Variants in MDC1 observed in about 807,000 individuals in gnomAD.
MDC1 encodes mediator of DNA damage checkpoint protein 1.
In MDC1, 81 loss-of-function variants were observed where a neutral mutation model predicts 142.5. The ratio of observed to expected loss-of-function variants is 0.57; its 90% CI spans 0.47 to 0.68. The LOEUF is 0.68. Ranked by LOEUF, MDC1 falls within the 30% of genes least tolerant of loss-of-function variation. The pLI is 0.00. For missense variants in MDC1, 2,119 were observed against 2,547.9 expected (o/e 0.83, Z 3.62); for synonymous variants, 797 against 968.4 (o/e 0.82, Z 3.29).
At chr6:30,707,484 G>C (rs1774075024) in intron 8 of MDC1, 30 bp from the exon 9 acceptor site, 1 of 1,613,062 alleles carries the variant, frequency 6.2e-7, no homozygotes, top group African/African-American at 1.3e-5. Context: ...AAAGGTGGCT[G>C]AGTTCCAAGC....
rs1275540776 is a variant in MDC1 at position 30,704,128 on chromosome 6, C to T, written c.5055G>A (p.Arg1685=). Residue 1685 remains arginine, a synonymous_variant, in exon 10 of 15, where the codon AGG becomes AGA. Coordinates refer to ENST00000376406, the MANE Select transcript of MDC1 (RefSeq NM_014641.3). ...CCGGCATAGCTCTTACTGTGGAAGACCTCAGTGTTTTGCTCTGACCACCCT... is the reference window on the plus strand; with the variant it reads ...CCGGCATAGCTCTTACTGTGGAAGATCTCAGTGTTTTGCTCTGACCACCCT... ...IAQGGQSKTL[R]SSTVRAMPVP... is the part of the protein sequence containing the mutation. 6.2e-7 allele frequency: 1 copy of T among 1,613,842 alleles called. No individual in the cohort carries two copies. Among genetic ancestry groups the T allele is most frequent in the Non-Finnish European group, 8.5e-7 (1 of 1,179,908 alleles).
rs1773115921 is a variant in MDC1 at position 30,703,390 on chromosome 6, C to A, written c.5682+28G>T. ...GCATCCTCCCCTCATCTCTGTCTCCCACAAAGTCCCATGCCTTTGTCTCTT... is the reference window on the plus strand; with the variant it reads ...GCATCCTCCCCTCATCTCTGTCTCCAACAAAGTCCCATGCCTTTGTCTCTT... On this transcript the variant is annotated intron_variant, in intron 11 of 14. Transcript: ENST00000376406. This position sits in a 1 kb window ranked among gnomAD's most constrained non-coding sequence, Gnocchi z 4.4. 1 of 1,613,546 alleles carries A rather than the reference C, an allele frequency of 6.2e-7. No individual in the cohort carries two copies. The highest frequency in any genetic ancestry group is 1.3e-5 in the African/African-American group (1 of 75,052).
At chr6:30,708,498 G>T in intron 7 of MDC1, 141 bp from the exon 8 acceptor site, 1 of 682,768 alleles carries the variant, frequency 1.5e-6, no homozygotes, top group Non-Finnish European at 2.4e-6. Flanking sequence ...ATCTGAACAG[G>T]TTATTAAAGG....
At chr6:30,710,131 C>T (rs1471901864) in intron 7 of MDC1, among the ~76,000 whole-genome samples, 2 of 151,906 alleles carry the variant, frequency 1.3e-5, no homozygotes, top group Admixed American at 6.6e-5. Flanking sequence ...CTCTGTTGCC[C>T]ATGTTGGAGT....
chr6:30,713,767 T>C lies in MDC1; in HGVS notation c.517+36A>G. On this transcript the variant is annotated intron_variant, in intron 3 of 14. Coordinates refer to ENST00000376406, the MANE Select transcript of MDC1 (RefSeq NM_014641.3). This position sits in a 1 kb window ranked among gnomAD's most constrained non-coding sequence, Gnocchi z 4.9. The stretch of plus-strand genomic sequence containing the variant: ...TTGACAATTGTACACTCATTATTCC[T>C]GTCTCCTCATTCTCCCTGCCAATAT... 1 of 1,613,688 alleles carries C rather than the reference T, an allele frequency of 6.2e-7. No homozygotes were observed. The highest frequency in any genetic ancestry group is 8.5e-7 in the Non-Finnish European group (1 of 1,179,648).
chr6:30,702,639 C>T lies in MDC1; in HGVS notation c.6016G>A (p.Gly2006Arg). 5 of 1,611,202 alleles carry T rather than the reference C, an allele frequency of 3.1e-6. No individual in the cohort carries two copies. Among genetic ancestry groups the T allele is most frequent in the Non-Finnish European group, 4.2e-6 (5 of 1,179,168 alleles). ...ATCTGAGGTGGTGGTGGCTGGACTC[C>T]AGGGGTCACATAGATCTCATAGCCC... ...LEGYEIYVTPGVQPPPPQMGE... is the reference protein window; with the variant it reads ...LEGYEIYVTPRVQPPPPQMGE... Residue 2006 changes from glycine (G) to arginine (R), a missense_variant, in exon 14 of 15, where the codon GGA becomes AGA. Coordinates refer to ENST00000376406, the MANE Select transcript of MDC1 (RefSeq NM_014641.3).
At position 30,713,737 on chromosome 6, in the gene MDC1, A is replaced by C. The variant is rs756483479; in HGVS notation, c.518-20T>G. The stretch of plus-strand genomic sequence containing the variant: ...GAAAATCTGTCAAGAACAGAAAGGA[A>C]TGAGTTGACAATTGTACACTCATTA... On this transcript the variant is annotated intron_variant, in intron 3 of 14. Coordinates refer to ENST00000376406, the MANE Select transcript of MDC1 (RefSeq NM_014641.3). The surrounding 1 kb of genome is among the most constrained non-coding windows in gnomAD (Gnocchi z 4.9). The C allele has an allele frequency of 2.8e-5, 45 of 1,613,940 alleles. No individual in the cohort carries two copies. In the Admixed American group the frequency reaches 7.0e-4, roughly 25 times the overall value.
At chr6:30,710,881 A>G (rs926996559) in intron 7 of MDC1, among the ~76,000 whole-genome samples, 3 of 152,026 alleles carry the variant, frequency 2.0e-5, no homozygotes, top group African/African-American at 7.2e-5. Flanking sequence ...CTGGCCTCCC[A>G]TGTAACTGGG....
chr6:30,700,555 G>C lies in MDC1; in HGVS notation c.6180C>G (p.Leu2060=), dbSNP rs760713119. Residue 2060 remains leucine, a synonymous_variant, in exon 15 of 15, where the codon CTC becomes CTG. Coordinates refer to ENST00000376406, the MANE Select transcript of MDC1 (RefSeq NM_014641.3). ...SIPLRVGLPL[L]SPEFLLTGVL... ...CTCCAGTCAGCAGGAACTCAGGCGA[G>C]AGGAGGGGCAGCCCAACCCGTAGTG... The C allele has an allele frequency of 1.2e-6, 2 of 1,612,902 alleles. No individual in the cohort carries two copies. The highest frequency in any genetic ancestry group is 1.3e-5 in the African/African-American group (1 of 74,920).
intron 2 of MDC1, 124 bp from the exon 3 acceptor site, chr6:30,714,307 C>T: frequency 9.7e-7 from 1 of 1,030,570 alleles, no homozygotes; most frequent in Non-Finnish European, 1.4e-6. Flanking sequence ...AATAAAAGGC[C>T]CTAGGACATC....
In MDC1 at chr6:30,712,140, G is replaced by A. The variant is rs774544617; in HGVS notation, c.1802C>T (p.Pro601Leu). The A allele has an allele frequency of 6.2e-7, 1 of 1,611,954 alleles. No homozygotes were observed. Among genetic ancestry groups the A allele is most frequent in the Non-Finnish European group, 8.5e-7 (1 of 1,179,502 alleles). ...CTCTGCCCCAGCATCCCCTTCTGCT[G>A]GAAGCTGGCTCTTTCTTACATCTGC... ...VVADVRKSQL[P>L]AEGDAGAEWA... The change falls in exon 5 of 15, where the codon CCA (proline) becomes CTA (leucine). Residue 601 changes from proline to leucine, a missense_variant. Transcript: ENST00000376406. This position sits in a 1 kb window ranked among gnomAD's most constrained non-coding sequence, Gnocchi z 4.7.
rs1487438149 is a variant in MDC1 at position 30,713,200 on chromosome 6, A to C, written c.742T>G (p.Ser248Ala). The change falls in exon 5 of 15, where the codon TCT becomes GCT. Residue 248 changes from serine to alanine, a missense_variant. Transcript: ENST00000376406. This position sits in a 1 kb window ranked among gnomAD's most constrained non-coding sequence, Gnocchi z 4.9. Reference protein sequence around the residue: ...RRGATVEAKQSEAEVVTEIQL... With the variant: ...RRGATVEAKQAEAEVVTEIQL... Reference sequence around the variant, plus strand: ...ATTTCAGTTACAACTTCAGCTTCAGACTGCTTTGCCTCTACAGTGGCACCT... The same window carrying C: ...ATTTCAGTTACAACTTCAGCTTCAGCCTGCTTTGCCTCTACAGTGGCACCT... 1 of 1,613,006 alleles carries C rather than the reference A, an allele frequency of 6.2e-7. No homozygotes were observed. The highest frequency in any genetic ancestry group is 8.5e-7 in the Non-Finnish European group (1 of 1,179,984).
At position 30,713,588 on chromosome 6, in the gene MDC1, C is replaced by A; in HGVS notation, c.587+60G>T. 6.6e-7 allele frequency: 1 copy of A among 1,526,530 alleles called. No homozygotes were observed. The highest frequency in any genetic ancestry group is 2.3e-5 in the East Asian group (1 of 44,294). 94.6% of individuals were successfully genotyped at this position (1,526,530 alleles called of 1,614,324 possible). ...TAATCATCTCTTTTAGAGATTGATC[C>A]TCCAGCCCCTGGTTCTTCCTCATTT... On this transcript the variant is annotated intron_variant, in intron 4 of 14. Coordinates refer to ENST00000376406, the MANE Select transcript of MDC1 (RefSeq NM_014641.3). This position sits in a 1 kb window ranked among gnomAD's most constrained non-coding sequence, Gnocchi z 4.9.
rs760178311 is a variant in MDC1, at chr6:30,703,305, G to C, written c.5683-19C>G. The stretch of plus-strand genomic sequence containing the variant: ...AGAGCACCTGTGGAAGGGTTGACCT[G>C]AGGTGGTTACGGCAACCCATGCCAT... On this transcript the variant is annotated intron_variant, in intron 11 of 14. Transcript: ENST00000376406. The surrounding 1 kb of genome is among the most constrained non-coding windows in gnomAD (Gnocchi z 4.4). The C allele has an allele frequency of 1.3e-5, 21 of 1,609,056 alleles. No homozygotes were observed. The highest frequency in any genetic ancestry group is 1.5e-5 in the Non-Finnish European group (18 of 1,176,920).
At position 30,712,947 on chromosome 6, in the gene MDC1, T is replaced by C. The variant is rs550307715; in HGVS notation, c.995A>G (p.Asp332Gly). 212 of 1,613,116 alleles carry C rather than the reference T, an allele frequency of 1.3e-4. 5 individuals are homozygous for C. The South Asian group carries it at 2.1e-3, about 16-fold the overall frequency. ...TGCTGGGATCCTCTCTTCTTCCGCA[T>C]CAGTGTCGCTGTCGATGAAGCCAAA... ...QPFGFIDSDT[D>G]AEEERIPATP... Residue 332 changes from aspartate (D) to glycine (G), a missense_variant, in exon 5 of 15, where the codon GAT (aspartate) becomes GGT (glycine). By Grantham distance (94) the Asp-to-Gly change is moderately conservative (BLOSUM62 -1). Coordinates refer to ENST00000376406, the MANE Select transcript of MDC1 (RefSeq NM_014641.3). The surrounding 1 kb of genome is among the most constrained non-coding windows in gnomAD (Gnocchi z 4.7).
rs1037417506 is a variant in MDC1 at position 30,715,414 on chromosome 6, G to A, written c.-3-236C>T. ...TGCAGTGGTAAGATCTTGGGCCCAC[G>A]GCAACCTCTGCCTCCCGGGTTTCAA... On this transcript the variant is annotated intron_variant, in intron 1 of 14. Coordinates refer to ENST00000376406, the MANE Select transcript of MDC1 (RefSeq NM_014641.3). This position sits in a 1 kb window ranked among gnomAD's most constrained non-coding sequence, Gnocchi z 4.1. Among the ~76,000 whole-genome samples, 12 of 152,024 alleles carry A rather than the reference G, an allele frequency of 7.9e-5. No homozygotes were observed. The highest frequency in any genetic ancestry group is 2.2e-4 in the African/African-American group (9 of 41,374).
chr6:30,709,621 G>T lies in MDC1; in HGVS notation c.2222-1264C>A, dbSNP rs992087665. ...ACACTAGAACTTATTCATTCAATCTGACTGGATTTTTGTATTCATTAACCA... is the reference window on the plus strand; with the variant it reads ...ACACTAGAACTTATTCATTCAATCTTACTGGATTTTTGTATTCATTAACCA... On this transcript the variant is annotated intron_variant, in intron 7 of 14. Transcript: ENST00000376406. This position sits in a 1 kb window ranked among gnomAD's most constrained non-coding sequence, Gnocchi z 4.2. 6.6e-6 allele frequency among the ~76,000 whole-genome samples: 1 copy of T among 152,132 alleles called. No individual in the cohort carries two copies. The highest frequency in any genetic ancestry group is 2.4e-5 in the African/African-American group (1 of 41,412).
rs1230412026 is a variant in MDC1 at position 30,704,932 on chromosome 6, G to A, written c.4251C>T (p.Ser1417=). 6.2e-7 allele frequency: 1 copy of A among 1,605,884 alleles called. No individual in the cohort carries two copies. The highest frequency in any genetic ancestry group is 1.7e-5 in the Admixed American group (1 of 59,126). ...LVPTAPKLEP[S]TSTDQPVTPE... ...GAGTGACAGGTTGGTCTGTGGAAGT[G>A]GAAGGCTCGAGCTTAGGGGCTGTGG... Residue 1417 remains serine (S), a synonymous_variant, in exon 10 of 15, where the codon TCC becomes TCT. Transcript: ENST00000376406.
At position 30,703,708 on chromosome 6, in the gene MDC1, T is replaced by G. The variant is rs941649117; in HGVS notation, c.5475A>C (p.Lys1825Asn). 1 of 1,540,782 alleles carries G rather than the reference T, an allele frequency of 6.5e-7. No individual in the cohort carries two copies. The highest frequency in any genetic ancestry group is 8.7e-7 in the Non-Finnish European group (1 of 1,148,464). Residue 1825 changes from lysine (K) to asparagine (N), a missense_variant, in exon 10 of 15, where the codon AAA becomes AAC. Transcript: ENST00000376406. The surrounding 1 kb of genome is among the most constrained non-coding windows in gnomAD (Gnocchi z 4.4). ...GGGAGACTTCCCCTCTTTGGGGCTG[T>G]TTTTGATGTGGTGGTGAATCCATGG... The part of the protein sequence containing the change: ...LATMDSPPHQ[K>N]QPQRGEVSQK...
Sources: gnomAD v4.1 joint callset for allele counts (sites outside exome capture counted in the v4.1 genomes callset) on GRCh38, gnomAD v4.1.1 for gene constraint, Gnocchi (gnomAD v3.1) non-coding constraint, MANE v1.5 for transcripts, NCBI Gene and HGNC (gene_info 2026-07-23, HGNC 2026-07-21) for gene names.